NICOL1: variants seen among roughly 807,000 people sequenced by gnomAD.
NICOL1 encodes NELL2-interacting cell ontogeny regulator 1.
At chr4:2,036,675 G>T in the NICOL1 span, among the ~76,000 whole-genome samples, 1 of 152,142 alleles carries the variant, frequency 6.6e-6, no homozygotes, top group Non-Finnish European at 1.5e-5. Flanking sequence ...GGTATAACTC[G>T]GATCAGTTAG....
chr4:2,037,997 G>A, the NICOL1 span, among the ~76,000 whole-genome samples: 5 of 150,718 alleles, frequency 3.3e-5, no homozygotes, highest in African/African-American at 1.2e-4. Flanking sequence ...AGTTTTCTAG[G>A]ATGCTATTTT....
chr4:2,043,763 G>A, the NICOL1 span: 1 of 951,114 alleles, frequency 1.1e-6, no homozygotes, highest in Non-Finnish European at 1.6e-6. Flanking sequence ...GTCTGTCTCA[G>A]GAGCCGGTGG....
At chr4:2,038,237 G>GTC in the NICOL1 span, among the ~76,000 whole-genome samples, 1 of 91,454 alleles carries the variant, frequency 1.1e-5, no homozygotes, top group African/African-American at 3.6e-5. Flanking sequence ...TGATCAGTGT[G>GTC]TATATATATA....
At chr4:2,042,448 C>A in the NICOL1 span, 1 of 430,602 alleles carries the variant, frequency 2.3e-6, no homozygotes, top group Non-Finnish European at 4.0e-6. Context: ...CGCCCGGGCC[C>A]GCGCCGAGCC....
chr4:2,037,505 C>G, the NICOL1 span, among the ~76,000 whole-genome samples: 1 of 152,308 alleles, frequency 6.6e-6, no homozygotes, highest in Admixed American at 6.5e-5. Flanking sequence ...GCATTGAAAA[C>G]ATTAAATGCT....
the NICOL1 span, among the ~76,000 whole-genome samples, chr4:2,043,581 G>A: frequency 2.6e-4 from 39 of 152,316 alleles, no homozygotes; most frequent in East Asian, 6.0e-3. Flanking sequence ...CAGGGAGTGG[G>A]GGACAGTGGA....
At chr4:2,041,232 G>A in the NICOL1 span, among the ~76,000 whole-genome samples, 5 of 152,202 alleles carry the variant, frequency 3.3e-5, no homozygotes, top group Middle Eastern at 3.4e-3. Context: ...GTGTCGGCGT[G>A]GGGGCCTGGC....
At chr4:2,040,602 G>A in the NICOL1 span, among the ~76,000 whole-genome samples, 10 of 152,212 alleles carry the variant, frequency 6.6e-5, no homozygotes, top group East Asian at 1.9e-3. Context: ...CTGCTCCCGG[G>A]CTCTTGGCTC....
At chr4:2,039,277 G>A in the NICOL1 span, among the ~76,000 whole-genome samples, 12 of 152,070 alleles carry the variant, frequency 7.9e-5, no homozygotes, top group Non-Finnish European at 1.3e-4. Context: ...AGCTGGGTGT[G>A]GGGGCAGGCA....
the NICOL1 span, among the ~76,000 whole-genome samples, chr4:2,036,957 C>T: frequency 6.6e-6 from 1 of 151,878 alleles, no homozygotes; most frequent in African/African-American, 2.4e-5. Context: ...GGTTCTATGT[C>T]GCCACTCAAA....
At chr4:2,040,572 C>A in the NICOL1 span, among the ~76,000 whole-genome samples, 1 of 152,228 alleles carries the variant, frequency 6.6e-6, no homozygotes, top group Non-Finnish European at 1.5e-5. Context: ...GCTCCCGCCC[C>A]ACTGGGGGAC....
chr4:2,041,594 C>A, the NICOL1 span: 1 of 183,696 alleles, frequency 5.4e-6, no homozygotes, highest in Non-Finnish European at 1.1e-5. Context: ...CAGACCAGCT[C>A]TCTCCGGGCG....
At chr4:2,042,055 G>A in the NICOL1 span, 16 of 1,478,486 alleles carry the variant, frequency 1.1e-5, no homozygotes, top group African/African-American at 1.5e-5. Context: ...TGGTCCCGGG[G>A]TCCCTGAACC....
At chr4:2,036,730 G>A in the NICOL1 span, among the ~76,000 whole-genome samples, 5 of 152,104 alleles carry the variant, frequency 3.3e-5, no homozygotes, top group South Asian at 1.0e-3. Flanking sequence ...CATGAAATAA[G>A]AATATATATG....
At chr4:2,037,692 T>C in the NICOL1 span, among the ~76,000 whole-genome samples, 2 of 152,200 alleles carry the variant, frequency 1.3e-5, no homozygotes, top group Admixed American at 6.5e-5. Flanking sequence ...CATTTATAAA[T>C]TAACTTTTCA....
the NICOL1 span, among the ~76,000 whole-genome samples, chr4:2,043,210 G>C: frequency 6.6e-6 from 1 of 152,192 alleles, no homozygotes; most frequent in Non-Finnish European, 1.5e-5. Flanking sequence ...GCCGGAGGAT[G>C]TGGCGAAAGT....
the NICOL1 span, among the ~76,000 whole-genome samples, chr4:2,038,253 AT>A: frequency 6.3e-5 from 4 of 63,186 alleles, no homozygotes; most frequent in Admixed American, 4.6e-4. Flanking sequence ...ATATATATAT[AT>A]ATATATATAT....
chr4:2,042,921 C>T, the NICOL1 span: 3,667 of 781,438 alleles, frequency 4.7e-3, 12 homozygotes, highest in Non-Finnish European at 6.0e-3. Context: ...TGGAGTGTCC[C>T]TCATCCTTCA....
At chr4:2,036,752 G>A in the NICOL1 span, among the ~76,000 whole-genome samples, 1 of 152,140 alleles carries the variant, frequency 6.6e-6, no homozygotes, top group Non-Finnish European at 1.5e-5. Context: ...AGTCGTGGGT[G>A]GGGCTGTTTG....
Sources: gnomAD v4.1 joint callset for allele counts (sites outside exome capture counted in the v4.1 genomes callset) on GRCh38, gnomAD v4.1.1 for gene constraint, MANE v1.5 for transcripts, NCBI Gene and HGNC (gene_info 2026-07-23, HGNC 2026-07-21) for gene names.